Variants in RBM26 observed in about 807,000 individuals in gnomAD.
The protein encoded by RBM26 is RNA-binding protein 26.
RBM26 carries 30 observed loss-of-function variants against 123.6 expected under a neutral mutation model. That is an observed-to-expected ratio of 0.24 (90% CI 0.18 to 0.33). The LOEUF (loss-of-function observed/expected upper bound fraction) is 0.33. RBM26 is among the 10% of genes least tolerant of loss of function. RBM26 has a pLI of 1.00. For synonymous variants in RBM26, 400 were observed against 404.4 expected, an observed-to-expected ratio of 0.99 and a Z score of 0.13; for missense variants, 947 against 1,203.6, an observed-to-expected ratio of 0.79 and a Z score of 3.15.
intron 17 of RBM26, 43 bp from the exon 18 acceptor site, chr13:79,341,270 TCCTGTATTGATACAAACC>T: frequency 4.0e-6 from 5 of 1,256,132 alleles, no homozygotes; most frequent in Non-Finnish European, 5.7e-6. Context: ...GTAATTACTA[TCCTGTATTGATACAAACC>T]TTTTTAAAGT....
intron 21 of RBM26, 87 bp downstream of exon 21, chr13:79,322,262 T>G (rs1366479309): frequency 1.2e-6 from 1 of 828,412 alleles, no homozygotes; most frequent in African/African-American, 1.8e-5. Context: ...AAAAGTTTTA[T>G]GTTAAAATCA....
intron 19 of RBM26, 28 bp from the exon 20 acceptor site, chr13:79,334,458 C>T: frequency 7.9e-7 from 1 of 1,264,396 alleles, no homozygotes. Flanking sequence ...AGTATTTCCT[C>T]CAAATAAATA....
chr13:79,377,636 A>G, intron 2 of RBM26, 121 bp from the exon 3 acceptor site: 1 of 817,436 alleles, frequency 1.2e-6, no homozygotes, highest in Admixed American at 2.7e-5. Context: ...TAGAAAATAT[A>G]CTAGCACTGG....
chr13:79,374,803 A>C (rs1328640569), intron 3 of RBM26, among the ~76,000 whole-genome samples: 2 of 152,080 alleles, frequency 1.3e-5, no homozygotes, highest in South Asian at 4.1e-4. Context: ...ACAGCATTTT[A>C]AACGTAGATT....
In RBM26 at chr13:79,319,972, T is replaced by G. The variant is rs2138323721; in HGVS notation, c.*649A>C. ...GGCTTTTTTTTTTTTTTTTTTTTTG[T>G]CATTGCTTTTCTCTTTTCTTTCCTT... On this transcript the variant is annotated 3_prime_UTR_variant, in exon 22 of 22. Transcript: ENST00000438737. The G allele has an allele frequency of 4.7e-6, 2 of 429,188 alleles. No homozygotes were observed. The highest frequency in any genetic ancestry group is 5.7e-6 in the Non-Finnish European group (2 of 353,140). 26.6% of individuals were successfully genotyped at this position (429,188 alleles called of 1,614,324 possible).
intron 20 of RBM26, among the ~76,000 whole-genome samples, chr13:79,330,463 G>T (rs924500088): frequency 3.9e-5 from 6 of 152,112 alleles, no homozygotes; most frequent in Non-Finnish European, 8.8e-5. Flanking sequence ...ATATAAAAAT[G>T]CAGCCTTTCA....
intron 20 of RBM26, among the ~76,000 whole-genome samples, chr13:79,324,355 T>C (rs2068074350): frequency 6.6e-6 from 1 of 151,880 alleles, no homozygotes; most frequent in Non-Finnish European, 1.5e-5. Context: ...AATGGCCATA[T>C]ATATTATATA....
intron 6 of RBM26, 104 bp downstream of exon 6, chr13:79,368,626 C>T (rs1430275765): frequency 4.4e-6 from 5 of 1,148,202 alleles, no homozygotes; most frequent in Non-Finnish European, 6.2e-6. Flanking sequence ...TAATTTCCCA[C>T]TTTTCAGAGG....
rs771200317 is a variant in RBM26, at chr13:79,354,543, T to C, written c.1882A>G (p.Ile628Val). 1.1e-5 allele frequency: 18 copies of C among 1,605,118 alleles called. No homozygotes were observed. The African/African-American group carries it at 1.9e-4, about 17-fold the overall frequency. ...ACTGACTGCTTCACAACAGGCAAAA[T>C]GGGCTGCTGGACTAAAGGCTGCATT... ...KVMQPLVQQP[I>V]LPVVKQSVKE... The change falls in exon 13 of 22, where the codon ATT becomes GTT. Residue 628 changes from isoleucine (I) to valine (V), a missense_variant. By Grantham distance (29) the Ile-to-Val change is conservative. Transcript: ENST00000438737.
chr13:79,378,056 G>A (rs556015808), intron 2 of RBM26, among the ~76,000 whole-genome samples: 73 of 152,332 alleles, frequency 4.8e-4, no homozygotes, highest in Non-Finnish European at 6.8e-4. Context: ...TGGAATGGTC[G>A]CAGCCCTCTG....
At chr13:79,333,146 T>C (rs954341902) in intron 20 of RBM26, among the ~76,000 whole-genome samples, 3 of 152,216 alleles carry the variant, frequency 2.0e-5, no homozygotes, top group East Asian at 1.9e-4. Context: ...ATCAAAGATC[T>C]ACCTTTTTCA....
chr13:79,394,039 C>T (rs564761632), intron 1 of RBM26, among the ~76,000 whole-genome samples: 18 of 152,194 alleles, frequency 1.2e-4, no homozygotes, highest in Admixed American at 3.9e-4. Flanking sequence ...TGTGCGCCTG[C>T]GGCTTTTACT....
intron 18 of RBM26, among the ~76,000 whole-genome samples, chr13:79,340,821 A>G (rs1394556246): frequency 3.9e-5 from 6 of 151,966 alleles, no homozygotes; most frequent in Admixed American, 1.3e-4. Flanking sequence ...AGACTTTATT[A>G]TAAGTTTTCT....
intron 3 of RBM26, 71 bp downstream of exon 3, chr13:79,377,308 G>C: frequency 7.3e-7 from 1 of 1,371,556 alleles, no homozygotes; most frequent in Admixed American, 1.8e-5. Flanking sequence ...AGATATAGAA[G>C]ATAAAAACTC....
At chr13:79,401,845 G>C (rs544874789) in intron 1 of RBM26, among the ~76,000 whole-genome samples, 1 of 152,132 alleles carries the variant, frequency 6.6e-6, no homozygotes, top group Non-Finnish European at 1.5e-5. Flanking sequence ...TGGACACAGA[G>C]ATCTTCCTTC....
In RBM26 at chr13:79,386,244, T is replaced by C. The variant is rs144370877; in HGVS notation, c.72-7337A>G. ...ACATCTGTTTTTACATTCAGTCTGT[T>C]ATGACATGTTATACTGGTTGAAGTA... is the stretch of plus-strand genomic sequence containing the variant. On this transcript the variant is annotated intron_variant, in intron 1 of 21. Coordinates refer to ENST00000438737, the MANE Select transcript of RBM26 (RefSeq NM_001366735.2). 2.8e-3 allele frequency among the ~76,000 whole-genome samples: 432 copies of C among 152,140 alleles called. 4 individuals carry two copies. Among genetic ancestry groups the C allele is most frequent in the African/African-American group, 0.01 (417 of 41,532 alleles).
chr13:79,349,883 A>G (rs2072970163), intron 14 of RBM26, among the ~76,000 whole-genome samples: 1 of 152,058 alleles, frequency 6.6e-6, no homozygotes, highest in Non-Finnish European at 1.5e-5. Flanking sequence ...TTTTTAGAAG[A>G]GACAGGGTTT....
At chr13:79,325,895 C>T (rs892214694) in intron 20 of RBM26, among the ~76,000 whole-genome samples, 1 of 152,122 alleles carries the variant, frequency 6.6e-6, no homozygotes. Context: ...ATCTTTTATA[C>T]CCTATTTTTA....
intron 2 of RBM26, among the ~76,000 whole-genome samples, chr13:79,378,474 T>G (rs2076823243): frequency 6.6e-6 from 1 of 152,138 alleles, no homozygotes; most frequent in Admixed American, 6.5e-5. Context: ...GAGTCTCACT[T>G]TGTCGCCCAG....
Sources: gnomAD v4.1 joint callset for allele counts (sites outside exome capture counted in the v4.1 genomes callset) on GRCh38, gnomAD v4.1.1 for gene constraint, MANE v1.5 for transcripts, NCBI Gene and HGNC (gene_info 2026-07-23, HGNC 2026-07-21) for gene names.